JUN: variants seen among roughly 807,000 people sequenced by gnomAD.
JUN encodes the protein transcription factor Jun.
Under a neutral mutation model 19.7 loss-of-function variants are expected in JUN, and 7 were observed. The ratio of observed to expected loss-of-function variants is 0.36; its 90% CI spans 0.20 to 0.67. The LOEUF (loss-of-function observed/expected upper bound fraction) is 0.67, where lower values mean the gene tolerates loss of function less well. Among genes scored for constraint, JUN ranks in the 30% least tolerant of loss-of-function variants. The pLI, the probability that JUN is intolerant of heterozygous loss-of-function variation, is 0.64. For synonymous variants in JUN, 246 were observed against 206.9 expected, an observed-to-expected ratio of 1.19 and a Z score of -1.62; for missense variants, 373 against 451.0, an observed-to-expected ratio of 0.83 and a Z score of 1.57.
Position 58,782,811 on chromosome 1 carries a change from T to C in JUN, c.260A>G (p.His87Arg). The C allele has an allele frequency of 6.2e-7, 1 of 1,613,862 alleles. No homozygotes were observed. Residue 87 changes from histidine to arginine, a missense_variant, in exon 1 of 1, where the codon CAC becomes CGC. His to Arg is a conservative substitution (Grantham distance 29). This residue lies in a region of JUN where 113 missense variants were observed against 136.9 expected (regional missense o/e 0.83). Coordinates refer to ENST00000371222, the MANE Select transcript of JUN (RefSeq NM_002228.4). The surrounding 1 kb of genome is among the most constrained non-coding windows in gnomAD (Gnocchi z 8.7). ...GGTGGGGGTCGGCGTGGTGGTGATG[T>C]GCCCGTTGCTGGACTGGATTATCAG... Reference protein sequence around the residue: ...ERLIIQSSNGHITTTPTPTQF... With the variant: ...ERLIIQSSNGRITTTPTPTQF...
At position 58,783,076 on chromosome 1, in the gene JUN, A is replaced by C; in HGVS notation, c.-6T>G. Reference sequence around the variant, plus strand: ...GTTTCCATCTTTGCAGTCATAGAACAGTCCGTCACTTCACGTGAGGTTAGT... The same window carrying C: ...GTTTCCATCTTTGCAGTCATAGAACCGTCCGTCACTTCACGTGAGGTTAGT... On this transcript the variant is annotated 5_prime_UTR_variant, in exon 1 of 1. Coordinates refer to ENST00000371222, the MANE Select transcript of JUN (RefSeq NM_002228.4). The C allele has an allele frequency of 6.2e-7, 1 of 1,605,874 alleles. No individual in the cohort carries two copies. The highest frequency in any genetic ancestry group is 8.5e-7 in the Non-Finnish European group (1 of 1,173,628).
In JUN at chr1:58,782,255, C is replaced by T. The variant is rs745898991; in HGVS notation, c.816G>A (p.Arg272=). Residue 272 remains arginine, a synonymous_variant, in exon 1 of 1, where the codon AGG becomes AGA. Transcript: ENST00000371222. This position sits in a 1 kb window ranked among gnomAD's most constrained non-coding sequence, Gnocchi z 8.7. ...NRIAASKCRK[R]KLERIARLEE... ...CCAGCCGGGCGATTCTCTCCAGCTT[C>T]CTTTTTCGGCACTTGGAGGCAGCGA... is the stretch of plus-strand genomic sequence containing the variant. The T allele has an allele frequency of 5.6e-6, 9 of 1,614,144 alleles. No homozygotes were observed. The African/African-American group carries it at 1.1e-4, about 19-fold the overall frequency.
Position 58,782,399 on chromosome 1 carries a change from G to T in JUN, c.672C>A (p.Ala224=). Residue 224 remains alanine, a synonymous_variant, in exon 1 of 1, where the codon GCC becomes GCA. Transcript: ENST00000371222. The surrounding 1 kb of genome is among the most constrained non-coding windows in gnomAD (Gnocchi z 8.7). ...QMPVQHPRLQ[A]LKEEPQTVPE... is the part of the protein sequence containing the mutation. Reference sequence around the variant, plus strand: ...GCACTGTCTGAGGCTCCTCCTTCAGGGCCTGCAGCCGCGGGTGCTGCACGG... The same window carrying T: ...GCACTGTCTGAGGCTCCTCCTTCAGTGCCTGCAGCCGCGGGTGCTGCACGG... The T allele has an allele frequency of 6.2e-7, 1 of 1,611,090 alleles. No homozygotes were observed.
rs1645600942 is a variant in JUN at position 58,784,031 on chromosome 1, T to A, written c.-961A>T. ...TCCCGCCTCGCTGCTTCAGCCACAC[T>A]CAGTGCAACTCTGAGCCCTTATCCA... On this transcript the variant is annotated 5_prime_UTR_variant, in exon 1 of 1. Transcript: ENST00000371222. The A allele has an allele frequency of 4.0e-6, 1 of 248,570 alleles. No homozygotes were observed. The highest frequency in any genetic ancestry group is 2.2e-5 in the African/African-American group (1 of 45,340). 15.4% of individuals were successfully genotyped at this position (248,570 alleles called of 1,614,324 possible).
rs1472984256 is a variant in JUN, at chr1:58,783,085, C to A, written c.-15G>T. On this transcript the variant is annotated 5_prime_UTR_variant, in exon 1 of 1. Coordinates refer to ENST00000371222, the MANE Select transcript of JUN (RefSeq NM_002228.4). ...TTTGCAGTCATAGAACAGTCCGTCA[C>A]TTCACGTGAGGTTAGTTTGGGCTGC... The A allele has an allele frequency of 1.3e-6, 2 of 1,599,984 alleles. No homozygotes were observed. The highest frequency in any genetic ancestry group is 1.7e-5 in the Admixed American group (1 of 59,514).
chr1:58,781,955 C>T lies in JUN; in HGVS notation c.*120G>A. 4 of 884,290 alleles carry T rather than the reference C, an allele frequency of 4.5e-6. No individual in the cohort carries two copies. The highest frequency in any genetic ancestry group is 1.7e-5 in the South Asian group (1 of 58,510). 54.8% of individuals were successfully genotyped at this position (884,290 alleles called of 1,614,324 possible). A position where few individuals can be genotyped will look rare whatever the true frequency, so the allele number is the denominator to read the frequency against. ...ACGCAACCCAGTCCAACTTGGATAC[C>T]CTTGGCTTTAGTTCTCGGACACTTC... On this transcript the variant is annotated 3_prime_UTR_variant, in exon 1 of 1. Coordinates refer to ENST00000371222, the MANE Select transcript of JUN (RefSeq NM_002228.4).
rs1196342394 is a variant in JUN at position 58,782,629 on chromosome 1, C to A, written c.442G>T (p.Ala148Ser). 1 of 1,594,886 alleles carries A rather than the reference C, an allele frequency of 6.3e-7. No homozygotes were observed. Among genetic ancestry groups the A allele is most frequent in the Non-Finnish European group, 8.5e-7 (1 of 1,177,420 alleles). The change falls in exon 1 of 1, where the codon GCC becomes TCC. Residue 148 changes from alanine (A) to serine (S), a missense_variant. By Grantham distance (99) the Ala-to-Ser change is moderately conservative. Coordinates refer to ENST00000371222, the MANE Select transcript of JUN (RefSeq NM_002228.4). This position sits in a 1 kb window ranked among gnomAD's most constrained non-coding sequence, Gnocchi z 8.7. ...NGAGMVAPAV[A>S]SVAGGSGSGG... ...CTGCCGCTGCCCCCTGCCACCGAGGCTACCGCGGGAGCCACCATGCCTGCC... is the reference window on the plus strand; with the variant it reads ...CTGCCGCTGCCCCCTGCCACCGAGGATACCGCGGGAGCCACCATGCCTGCC...
rs769167094 is a variant in JUN at position 58,782,291 on chromosome 1, C to A, written c.780G>T (p.Met260Ile). The change falls in exon 1 of 1, where the codon ATG (methionine) becomes ATT (isoleucine). Residue 260 changes from methionine to isoleucine, a missense_variant. Coordinates refer to ENST00000371222, the MANE Select transcript of JUN (RefSeq NM_002228.4). The surrounding 1 kb of genome is among the most constrained non-coding windows in gnomAD (Gnocchi z 8.7). ...ACTTGGAGGCAGCGATGCGGTTCCT[C>A]ATGCGCTTCCTCTCCGCCTTGATCC... ...QERIKAERKR[M>I]RNRIAASKCR... 1 of 1,614,290 alleles carries A rather than the reference C, an allele frequency of 6.2e-7. No homozygotes were observed. The highest frequency in any genetic ancestry group is 2.2e-5 in the East Asian group (1 of 44,894).
At position 58,783,170 on chromosome 1, in the gene JUN, G is replaced by C; in HGVS notation, c.-100C>G. ...CAAGCGGGGGACACCCGCGCCCCCC[G>C]GAGCCTTTGACAGGGAAAGTTTCTC... On this transcript the variant is annotated 5_prime_UTR_variant, in exon 1 of 1. Coordinates refer to ENST00000371222, the MANE Select transcript of JUN (RefSeq NM_002228.4). 6.6e-7 allele frequency: 1 copy of C among 1,513,894 alleles called. No individual in the cohort carries two copies. 93.8% of individuals were successfully genotyped at this position (1,513,894 alleles called of 1,614,324 possible).
Position 58,781,949 on chromosome 1 carries a change from G to T in JUN, c.*126C>A. 1 of 832,440 alleles carries T rather than the reference G, an allele frequency of 1.2e-6. No homozygotes were observed. The highest frequency in any genetic ancestry group is 1.9e-6 in the Non-Finnish European group (1 of 525,416). The allele number at this position is 832,440 out of a possible 1,614,324, so 51.6% of individuals were successfully genotyped here. A position where few individuals can be genotyped will look rare whatever the true frequency, so the allele number is the denominator to read the frequency against. On this transcript the variant is annotated 3_prime_UTR_variant, in exon 1 of 1. Coordinates refer to ENST00000371222, the MANE Select transcript of JUN (RefSeq NM_002228.4). ...GTCAGGACGCAACCCAGTCCAACTT[G>T]GATACCCTTGGCTTTAGTTCTCGGA...
chr1:58,780,997 A>T lies in JUN; in HGVS notation c.*1078T>A, dbSNP rs1645570532. 4.3e-6 allele frequency: 1 copy of T among 233,048 alleles called. No homozygotes were observed. Among genetic ancestry groups the T allele is most frequent in the African/African-American group, 2.2e-5 (1 of 45,332 alleles). 14.4% of individuals were successfully genotyped at this position (233,048 alleles called of 1,614,324 possible). A position where few individuals can be genotyped will look rare whatever the true frequency, so the allele number is the denominator to read the frequency against. On this transcript the variant is annotated 3_prime_UTR_variant, in exon 1 of 1. Transcript: ENST00000371222. ...ATTATAAATGGTCACAGCACATGCC[A>T]CTTGATACAATCCAAACTTTGAAAT... is the stretch of plus-strand genomic sequence containing the variant.
In JUN at chr1:58,782,982, T is replaced by C; in HGVS notation, c.89A>G (p.Asn30Ser). ...PSESGPYGYSNPKILKQSMTL... is the reference protein window; with the variant it reads ...PSESGPYGYSSPKILKQSMTL... ...CATGCTCTGTTTCAGGATCTTGGGG[T>C]TACTGTAGCCATAAGGTCCGCTCTC... Residue 30 changes from asparagine (N) to serine (S), a missense_variant, in exon 1 of 1, where the codon AAC (asparagine) becomes AGC (serine). By Grantham distance (46) the Asn-to-Ser change is conservative. Coordinates refer to ENST00000371222, the MANE Select transcript of JUN (RefSeq NM_002228.4). The surrounding 1 kb of genome is among the most constrained non-coding windows in gnomAD (Gnocchi z 8.7). 1 of 1,614,046 alleles carries C rather than the reference T, an allele frequency of 6.2e-7. No individual in the cohort carries two copies. Among genetic ancestry groups the C allele is most frequent in the Non-Finnish European group, 8.5e-7 (1 of 1,180,000 alleles).
At position 58,782,938 on chromosome 1, in the gene JUN, G is replaced by A. The variant is rs1483581904; in HGVS notation, c.133C>T (p.Pro45Ser). Residue 45 changes from proline to serine, a missense_variant, in exon 1 of 1, where the codon CCA becomes TCA. By Grantham distance (74) the Pro-to-Ser change is moderately conservative. This residue lies in a region of JUN where 113 missense variants were observed against 136.9 expected (regional missense o/e 0.83). Transcript: ENST00000371222. This position sits in a 1 kb window ranked among gnomAD's most constrained non-coding sequence, Gnocchi z 8.7. Reference sequence around the variant, plus strand: ...AGGTGCGGCTTCAGGCTCCCCACTGGGTCGGCCAGGTTCAGGGTCATGCTC... The same window carrying A: ...AGGTGCGGCTTCAGGCTCCCCACTGAGTCGGCCAGGTTCAGGGTCATGCTC... ...KQSMTLNLADPVGSLKPHLRA... is the reference protein window; with the variant it reads ...KQSMTLNLADSVGSLKPHLRA... 1 of 1,614,226 alleles carries A rather than the reference G, an allele frequency of 6.2e-7. No homozygotes were observed. Among genetic ancestry groups the A allele is most frequent in the Non-Finnish European group, 8.5e-7 (1 of 1,180,034 alleles).
In JUN at chr1:58,782,923, T is replaced by G; in HGVS notation, c.148A>C (p.Lys50Gln). ...GAGTTCTTGGCGCGGAGGTGCGGCTTCAGGCTCCCCACTGGGTCGGCCAGG... is the reference window on the plus strand; with the variant it reads ...GAGTTCTTGGCGCGGAGGTGCGGCTGCAGGCTCCCCACTGGGTCGGCCAGG... ...LNLADPVGSL[K>Q]PHLRAKNSDL... The change falls in exon 1 of 1, where the codon AAG (lysine) becomes CAG (glutamine). Residue 50 changes from lysine (K) to glutamine (Q), a missense_variant. Physicochemically the swap from Lys to Gln is moderately conservative, Grantham distance 53. Transcript: ENST00000371222. The surrounding 1 kb of genome is among the most constrained non-coding windows in gnomAD (Gnocchi z 8.7). 6.2e-7 allele frequency: 1 copy of G among 1,614,180 alleles called. No homozygotes were observed. The highest frequency in any genetic ancestry group is 8.5e-7 in the Non-Finnish European group (1 of 1,180,032).
Position 58,783,784 on chromosome 1 carries a change from C to T in JUN, c.-714G>A. The T allele has an allele frequency of 4.0e-6, 1 of 248,118 alleles. No individual in the cohort carries two copies. The highest frequency in any genetic ancestry group is 8.5e-6 in the Non-Finnish European group (1 of 118,112). The allele number at this position is 248,118 out of a possible 1,614,324, so 15.4% of individuals were successfully genotyped here. On this transcript the variant is annotated 5_prime_UTR_variant, in exon 1 of 1. Coordinates refer to ENST00000371222, the MANE Select transcript of JUN (RefSeq NM_002228.4). ...CGGGCGCGTGGGTACCGCTGCTTTCCGCCGCTGTCAACAGCGCCTGGGCAG... is the reference window on the plus strand; with the variant it reads ...CGGGCGCGTGGGTACCGCTGCTTTCTGCCGCTGTCAACAGCGCCTGGGCAG...
In JUN at chr1:58,783,602, C is replaced by G. The variant is rs931747459; in HGVS notation, c.-532G>C. On this transcript the variant is annotated 5_prime_UTR_variant, in exon 1 of 1. Coordinates refer to ENST00000371222, the MANE Select transcript of JUN (RefSeq NM_002228.4). The stretch of plus-strand genomic sequence containing the variant: ...CTGAGCGCACGTCCTTCTTCTCTTG[C>G]GTGGCTCTCCGCCGCCTTCTGGTCT... 1 of 248,496 alleles carries G rather than the reference C, an allele frequency of 4.0e-6. No homozygotes were observed. Among genetic ancestry groups the G allele is most frequent in the Non-Finnish European group, 8.4e-6 (1 of 118,400 alleles). 15.4% of individuals were successfully genotyped at this position (248,496 alleles called of 1,614,324 possible).
At position 58,782,839 on chromosome 1, in the gene JUN, G is replaced by T; in HGVS notation, c.232C>A (p.Arg78Ser). The change falls in exon 1 of 1, where the codon CGC (arginine) becomes AGC (serine). Residue 78 changes from arginine (R) to serine (S), a missense_variant. Physicochemically the swap from Arg to Ser is moderately radical, Grantham distance 110. Transcript: ENST00000371222. This position sits in a 1 kb window ranked among gnomAD's most constrained non-coding sequence, Gnocchi z 8.7. ...LLKLASPELE[R>S]LIIQSSNGHI... ...CCGTTGCTGGACTGGATTATCAGGC[G>T]CTCCAGCTCGGGCGACGCCAGCTTG... 1 of 1,613,998 alleles carries T rather than the reference G, an allele frequency of 6.2e-7. No homozygotes were observed.
rs377289876 is a variant in JUN at position 58,782,413 on chromosome 1, G to C, written c.658C>G (p.Pro220Ala). ...TCCTCCTTCAGGGCCTGCAGCCGCGGGTGCTGCACGGGCATCTGCTGGGGC... is the reference window on the plus strand; with the variant it reads ...TCCTCCTTCAGGGCCTGCAGCCGCGCGTGCTGCACGGGCATCTGCTGGGGC... ...HLPQQMPVQHPRLQALKEEPQ... is the reference protein window; with the variant it reads ...HLPQQMPVQHARLQALKEEPQ... The change falls in exon 1 of 1, where the codon CCG becomes GCG. Residue 220 changes from proline to alanine, a missense_variant. Around this residue, in one of 4 missense-constraint regions of JUN, gnomAD observed 173 missense variants for 154.5 expected, o/e 1.12. Transcript: ENST00000371222. This position sits in a 1 kb window ranked among gnomAD's most constrained non-coding sequence, Gnocchi z 8.7. 2.5e-4 allele frequency: 404 copies of C among 1,609,132 alleles called. No homozygotes were observed. The highest frequency in any genetic ancestry group is 3.7e-4 in the Admixed American group (22 of 59,492).
chr1:58,782,708 C>A lies in JUN; in HGVS notation c.363G>T (p.Leu121=), dbSNP rs1313357464. 4 of 1,602,540 alleles carry A rather than the reference C, an allele frequency of 2.5e-6. No individual in the cohort carries two copies. The highest frequency in any genetic ancestry group is 1.3e-5 in the African/African-American group (1 of 74,882). Residue 121 remains leucine (L), a synonymous_variant, in exon 1 of 1, where the codon CTG becomes CTT. Transcript: ENST00000371222. The surrounding 1 kb of genome is among the most constrained non-coding windows in gnomAD (Gnocchi z 8.7). ...AEGFVRALAE[L]HSQNTLPSVT... is the part of the protein sequence containing the mutation. ...CGCTGGGCAGCGTGTTCTGGCTGTG[C>A]AGTTCGGCCAGGGCGCGCACGAAGC...
Sources: gnomAD v4.1 joint callset for allele counts on GRCh38, gnomAD v4.1.1 for gene constraint, gnomAD v4.1.1 regional missense constraint, Gnocchi (gnomAD v3.1) non-coding constraint, MANE v1.5 for transcripts, NCBI Gene and HGNC (gene_info 2026-07-23, HGNC 2026-07-21) for gene names.